SNRNP40: variants seen among roughly 807,000 people sequenced by gnomAD.
SNRNP40 encodes U5 small nuclear ribonucleoprotein 40 kDa protein.
In SNRNP40, 21 loss-of-function variants were observed where a neutral mutation model predicts 45.8. The ratio of observed to expected loss-of-function variants is 0.46; its 90% CI spans 0.32 to 0.66. SNRNP40 has a LOEUF of 0.66. Ranked by LOEUF, SNRNP40 falls within the 30% of genes least tolerant of loss-of-function variation. The pLI, the probability that SNRNP40 is intolerant of heterozygous loss-of-function variation, is 0.03. For missense variants in SNRNP40, 344 were observed against 439.1 expected, an observed-to-expected ratio of 0.78 and a Z score of 1.94; for synonymous variants, 142 against 163.8, an observed-to-expected ratio of 0.87 and a Z score of 1.01.
intron 4 of SNRNP40, 30 bp downstream of exon 4, chr1:31,289,224 G>A (rs1646084692): frequency 1.2e-6 from 2 of 1,608,378 alleles, no homozygotes; most frequent in Non-Finnish European, 1.7e-6. Context: ...CATCACCTCA[G>A]AAACTGGAAC....
intron 4 of SNRNP40, among the ~76,000 whole-genome samples, chr1:31,284,670 C>T (rs962219939): frequency 6.6e-6 from 1 of 152,198 alleles, no homozygotes; most frequent in African/African-American, 2.4e-5. Context: ...AGAAAGGAAT[C>T]AGCCATGGAA....
chr1:31,287,248 C>T (rs1056627595), intron 4 of SNRNP40, among the ~76,000 whole-genome samples: 1 of 151,936 alleles, frequency 6.6e-6, no homozygotes, highest in Non-Finnish European at 1.5e-5. Flanking sequence ...TTTAATGATG[C>T]CTTAAATATA....
At chr1:31,279,340 A>G (rs7549245) in intron 5 of SNRNP40, among the ~76,000 whole-genome samples, 84,149 of 152,060 alleles carry the variant, frequency 0.55, 23,991 homozygotes, top group Non-Finnish European at 0.63. Flanking sequence ...GGTCAATAGC[A>G]AAGCTTAAAT....
intron 4 of SNRNP40, among the ~76,000 whole-genome samples, chr1:31,287,847 A>AT (rs1338047990): frequency 1.3e-5 from 2 of 152,106 alleles, no homozygotes; most frequent in African/African-American, 4.8e-5. Flanking sequence ...AAAATACAAA[A>AT]ACTAGCTGGG....
In SNRNP40 at chr1:31,274,664, A is replaced by AAC. The variant is rs386366628; in HGVS notation, c.655-3167_655-3166dup. ...TTACATTAAAAAAAAAAAAAAAAAAAACCAAACTGAACTCCCATCCTAACT... is the reference window on the plus strand; with the variant it reads ...TTACATTAAAAAAAAAAAAAAAAAAAACACCAAACTGAACTCCCATCCTAACT... On this transcript the variant is annotated intron_variant, in intron 5 of 9. Transcript: ENST00000263694. Among the ~76,000 whole-genome samples the AAC allele has an allele frequency of 2.5e-3, 381 of 150,670 alleles. 3 individuals carry two copies. Among genetic ancestry groups the AAC allele is most frequent in the African/African-American group, 8.7e-3 (356 of 40,954 alleles).
intron 7 of SNRNP40, 131 bp from the exon 8 acceptor site, chr1:31,268,063 T>C (rs1281963523): frequency 5.0e-6 from 3 of 595,670 alleles, no homozygotes; most frequent in Non-Finnish European, 9.0e-6. Context: ...GGTCTGTAAT[T>C]ATCTTATATT....
At chr1:31,278,361 G>C (rs1645990972) in intron 5 of SNRNP40, among the ~76,000 whole-genome samples, 1 of 152,050 alleles carries the variant, frequency 6.6e-6, no homozygotes, top group Admixed American at 6.6e-5. Flanking sequence ...TGGAGACGAG[G>C]GCATCAATCA....
At chr1:31,284,977 C>T (rs1251447367) in intron 4 of SNRNP40, among the ~76,000 whole-genome samples, 4 of 152,190 alleles carry the variant, frequency 2.6e-5, no homozygotes, top group African/African-American at 9.6e-5. Flanking sequence ...TAATTTAGAT[C>T]CTATATATTT....
intron 5 of SNRNP40, among the ~76,000 whole-genome samples, chr1:31,272,966 CT>C (rs1645948838): frequency 6.6e-6 from 1 of 152,100 alleles, no homozygotes; most frequent in South Asian, 2.1e-4. Flanking sequence ...AAAACTTTTG[CT>C]GTTCCTTAAA....
rs370843161 is a variant in SNRNP40 at position 31,270,803 on chromosome 1, A to T, written c.775+576T>A. 3.0e-4 allele frequency among the ~76,000 whole-genome samples: 46 copies of T among 152,348 alleles called. No homozygotes were observed. In the East Asian group the frequency reaches 8.7e-3, roughly 29 times the overall value. On this transcript the variant is annotated intron_variant, in intron 6 of 9. Transcript: ENST00000263694. ...AGGGCCATTTCCAAACTCCCTCAAC[A>T]TTAAGCATATAATCCAGCAAGTCAC...
At chr1:31,288,972 C>T (rs1646082472) in intron 4 of SNRNP40, among the ~76,000 whole-genome samples, 1 of 152,208 alleles carries the variant, frequency 6.6e-6, no homozygotes, top group South Asian at 2.1e-4. Context: ...ACCTCGTGAT[C>T]CACCCGCCTC....
At position 31,267,631 on chromosome 1, in the gene SNRNP40, G is replaced by T. The variant is rs1002699812; in HGVS notation, c.920+240C>A. Among the ~76,000 whole-genome samples the T allele has an allele frequency of 2.6e-5, 4 of 152,166 alleles. No individual in the cohort carries two copies. In the South Asian group the frequency reaches 8.3e-4, roughly 32 times the overall value. ...GCTCACCGCAACCTCTGCCTCCCAG[G>T]TTCAAGTCATTCTCTTGCCTAAGCC... On this transcript the variant is annotated intron_variant, in intron 8 of 9. Transcript: ENST00000263694.
chr1:31,296,299 G>A (rs1050345942), intron 1 of SNRNP40, among the ~76,000 whole-genome samples: 1 of 152,164 alleles, frequency 6.6e-6, no homozygotes, highest in East Asian at 1.9e-4. Context: ...CGGAATTTTT[G>A]TTCTATGCCA....
At position 31,271,363 on chromosome 1, in the gene SNRNP40, T is replaced by A. The variant is rs776265964; in HGVS notation, c.775+16A>T. On this transcript the variant is annotated intron_variant, in intron 6 of 9. Transcript: ENST00000263694. ...TTTTCCTTGGATCCTGGGAGAGATT[T>A]CCTTTCCAAAGTTACCTGTATTGTC... The A allele has an allele frequency of 1.2e-6, 2 of 1,600,220 alleles. No homozygotes were observed. Among genetic ancestry groups the A allele is most frequent in the Middle Eastern group, 1.9e-4 (1 of 5,160 alleles).
chr1:31,264,564 A>G (rs2148380017), intron 8 of SNRNP40, among the ~76,000 whole-genome samples: 1 of 152,336 alleles, frequency 6.6e-6, no homozygotes, highest in East Asian at 1.9e-4. Context: ...TGATCTCATA[A>G]CTTTGTTGAG....
intron 3 of SNRNP40, among the ~76,000 whole-genome samples, chr1:31,290,832 C>T (rs779578877): frequency 1.3e-5 from 2 of 151,640 alleles, no homozygotes; most frequent in South Asian, 2.1e-4. Flanking sequence ...GAGCCGAGAT[C>T]GCACCACTGC....
chr1:31,267,883 C>G lies in SNRNP40; in HGVS notation c.908G>C (p.Gly303Ala), dbSNP rs754718929. Reference protein sequence around the residue: ...WSPDGSKIAAGSADRFVYVWD... With the variant: ...WSPDGSKIAAASADRFVYVWD... ...CACTAATCCTTACCTGTCGGCTGAG[C>G]CAGCTGCTATTTTGCTTCCATCAGG... is the stretch of plus-strand genomic sequence containing the variant. Residue 303 changes from glycine (G) to alanine (A), a missense_variant, in exon 8 of 10, where the codon GGC (glycine) becomes GCC (alanine). Physicochemically the swap from Gly to Ala is moderately conservative, Grantham distance 60. Coordinates refer to ENST00000263694, the MANE Select transcript of SNRNP40 (RefSeq NM_004814.3). The G allele has an allele frequency of 2.5e-6, 4 of 1,612,714 alleles. No individual in the cohort carries two copies. The highest frequency in any genetic ancestry group is 3.4e-6 in the Non-Finnish European group (4 of 1,179,022).
At chr1:31,286,084 G>T (rs1569666478) in intron 4 of SNRNP40, among the ~76,000 whole-genome samples, 1 of 152,294 alleles carries the variant, frequency 6.6e-6, no homozygotes, top group South Asian at 2.1e-4. Context: ...TACCTGTGCA[G>T]TAAGGGGTGC....
chr1:31,295,732 G>T (rs1029702137), intron 1 of SNRNP40, among the ~76,000 whole-genome samples: 41 of 152,232 alleles, frequency 2.7e-4, no homozygotes, highest in African/African-American at 8.2e-4. Flanking sequence ...TTGGTTATTG[G>T]CTTGGTAACA....
Sources: gnomAD v4.1 joint callset for allele counts (sites outside exome capture counted in the v4.1 genomes callset) on GRCh38, gnomAD v4.1.1 for gene constraint, MANE v1.5 for transcripts, NCBI Gene and HGNC (gene_info 2026-07-23, HGNC 2026-07-21) for gene names.